Variants in RETREG3 observed in about 807,000 individuals in gnomAD.
RETREG3 encodes the protein reticulophagy regulator family member 3, also known as reticulophagy regulator 3.
Under a neutral mutation model 50.2 loss-of-function variants are expected in RETREG3, and 23 were observed. The ratio of observed to expected loss-of-function variants is 0.46; its 90% CI spans 0.33 to 0.65. The LOEUF (loss-of-function observed/expected upper bound fraction) is 0.65. Ranked by LOEUF, RETREG3 falls within the 30% of genes least tolerant of loss-of-function variation. The pLI is 0.02. For synonymous variants in RETREG3, 240 were observed against 234.4 expected, an observed-to-expected ratio of 1.02 and a Z score of -0.22; for missense variants, 546 against 598.0, an observed-to-expected ratio of 0.91 and a Z score of 0.91.
At chr17:42,586,737 A>T in intron 4 of RETREG3, 28 bp downstream of exon 4, 1 of 1,610,914 alleles carries the variant, frequency 6.2e-7, no homozygotes, top group East Asian at 2.2e-5. Flanking sequence ...GAGGCCAGAG[A>T]TGAAAGTGAA....
At chr17:42,583,687 T>G in intron 6 of RETREG3, 107 bp from the exon 7 acceptor site, 2 of 1,028,930 alleles carry the variant, frequency 1.9e-6, no homozygotes, top group Non-Finnish European at 1.4e-6. Flanking sequence ...CCTCTCTGAA[T>G]CTGGCTCTAA....
chr17:42,586,990 G>C (rs1391762217), intron 3 of RETREG3, 99 bp from the exon 4 acceptor site: 1 of 1,515,684 alleles, frequency 6.6e-7, no homozygotes. Context: ...AATGGGGTTT[G>C]GGGAGTGACT....
intron 1 of RETREG3, among the ~76,000 whole-genome samples, chr17:42,593,515 T>C (rs1324338948): frequency 1.3e-5 from 2 of 151,896 alleles, no homozygotes; most frequent in East Asian, 1.9e-4. Flanking sequence ...CTGGGCATGG[T>C]GGCGGGCGCC....
chr17:42,587,016 G>T, intron 3 of RETREG3, 125 bp from the exon 4 acceptor site: 1 of 1,295,140 alleles, frequency 7.7e-7, no homozygotes, highest in South Asian at 1.5e-5. Context: ...CAGGTGCTTT[G>T]GAGGTGAAGC....
At chr17:42,586,464 A>G in intron 4 of RETREG3, 1 of 417,466 alleles carries the variant, frequency 2.4e-6, no homozygotes, top group African/African-American at 2.0e-5. Flanking sequence ...ACCCAAAAAA[A>G]CACAACAACC....
intron 1 of RETREG3, among the ~76,000 whole-genome samples, chr17:42,599,720 T>C (rs891942400): frequency 9.5e-5 from 14 of 148,092 alleles, no homozygotes; most frequent in Admixed American, 8.1e-4. Context: ...AGTACAGGCA[T>C]GGTGGCTCAC....
At chr17:42,596,479 T>G (rs952153302) in intron 1 of RETREG3, 1 of 151,444 alleles carries the variant, frequency 6.6e-6, no homozygotes, top group Admixed American at 6.6e-5. Context: ...GAATAGACAT[T>G]GCAGGACTAA....
chr17:42,585,319 C>G, intron 5 of RETREG3, 57 bp from the exon 6 acceptor site: 3 of 1,599,574 alleles, frequency 1.9e-6, no homozygotes, highest in Non-Finnish European at 1.7e-6. Flanking sequence ...AAAAAACATT[C>G]CCAACTGTAG....
At chr17:42,603,448 C>T (rs915686989) in intron 1 of RETREG3, among the ~76,000 whole-genome samples, 9 of 152,068 alleles carry the variant, frequency 5.9e-5, no homozygotes, top group Non-Finnish European at 1.3e-4. Flanking sequence ...AAAAATTAAC[C>T]CAACCTATAT....
At chr17:42,600,123 CTGTAATCCCAATACTT>C (rs2093155871) in intron 1 of RETREG3, among the ~76,000 whole-genome samples, 1 of 152,118 alleles carries the variant, frequency 6.6e-6, no homozygotes, top group East Asian at 1.9e-4. Context: ...TACCTAAAGC[CTGTAATCCCAATACTT>C]TGGGAGGCCG....
At chr17:42,604,541 G>A (rs918666491) in intron 1 of RETREG3, among the ~76,000 whole-genome samples, 1 of 151,904 alleles carries the variant, frequency 6.6e-6, no homozygotes, top group Non-Finnish European at 1.5e-5. Context: ...CCAGTGGCAT[G>A]TGCCTCTAGT....
rs374818512 is a variant in RETREG3 at position 42,582,146 on chromosome 17, C to G, written c.1068G>C (p.Leu356Phe). The G allele has an allele frequency of 1.9e-5, 30 of 1,613,992 alleles. No individual in the cohort carries two copies. The South Asian group carries it at 2.3e-4, about 12-fold the overall frequency. ...EDDTSIGMPS[L>F]MYRSPPGAEE... ...CAGCCCCTGGCGGAGAACGGTACAT[C>G]AAGCTGGGCATGCCAATGCTAGTGT... Residue 356 changes from leucine to phenylalanine, a missense_variant, in exon 9 of 9, where the codon TTG becomes TTC. Leu to Phe is a conservative substitution (Grantham distance 22). Transcript: ENST00000309428.
chr17:42,604,639 CAG>C (rs2093164394), intron 1 of RETREG3, among the ~76,000 whole-genome samples: 1 of 147,766 alleles, frequency 6.8e-6, no homozygotes, highest in Non-Finnish European at 1.5e-5. Context: ...CACTGCACTC[CAG>C]CCTGGGCAAC....
intron 7 of RETREG3, among the ~76,000 whole-genome samples, chr17:42,583,178 C>T (rs1197941845): frequency 6.6e-6 from 1 of 152,106 alleles, no homozygotes; most frequent in African/African-American, 2.4e-5. Flanking sequence ...ACACATACTG[C>T]ACAGACCCAA....
chr17:42,595,460 G>A (rs1446039539), intron 1 of RETREG3, among the ~76,000 whole-genome samples: 12 of 149,670 alleles, frequency 8.0e-5, no homozygotes, highest in African/African-American at 2.5e-4. Flanking sequence ...GCAGTGGCAC[G>A]ATCTCAGTTC....
intron 1 of RETREG3, among the ~76,000 whole-genome samples, chr17:42,600,456 A>G (rs2093156465): frequency 6.6e-6 from 1 of 152,150 alleles, no homozygotes; most frequent in Admixed American, 6.5e-5. Flanking sequence ...AGAATCATTA[A>G]TTTTTTGCAT....
chr17:42,583,466 G>T lies in RETREG3; in HGVS notation c.810+32C>A, dbSNP rs757969040. 6 of 1,605,952 alleles carry T rather than the reference G, an allele frequency of 3.7e-6. No individual in the cohort carries two copies. The African/African-American group carries it at 6.7e-5, about 18-fold the overall frequency. On this transcript the variant is annotated intron_variant, in intron 7 of 8. Transcript: ENST00000309428. ...GGTTAAAAGGTAGCTAAAGAAAACT[G>T]GACAGTGAAGCAGCTCCCACACTCA...
upstream of RETREG3, chr17:42,609,391 A>C: frequency 1.3e-6 from 2 of 1,492,194 alleles, no homozygotes; most frequent in Non-Finnish European, 1.8e-6. Flanking sequence ...AACTGCGCAG[A>C]TGCGCGATTC....
intron 6 of RETREG3, among the ~76,000 whole-genome samples, chr17:42,584,907 A>G (rs2093118063): frequency 6.6e-6 from 1 of 151,980 alleles, no homozygotes; most frequent in Non-Finnish European, 1.5e-5. Context: ...CTTTTATCAG[A>G]TAGGTTTAAA....
Sources: gnomAD v4.1 joint callset for allele counts (sites outside exome capture counted in the v4.1 genomes callset) on GRCh38, gnomAD v4.1.1 for gene constraint, MANE v1.5 for transcripts, NCBI Gene and HGNC (gene_info 2026-07-23, HGNC 2026-07-21) for gene names.